Variants in PIK3C2A observed in about 807,000 individuals in gnomAD.
The protein encoded by PIK3C2A is phosphatidylinositol-4-phosphate 3-kinase catalytic subunit type 2 alpha, also known as phosphatidylinositol 4-phosphate 3-kinase C2 domain-containing subunit alpha.
A neutral mutation model predicts 204.5 loss-of-function variants in PIK3C2A; 97 were observed. That is an observed-to-expected ratio of 0.47 (90% CI 0.40 to 0.56). The LOEUF is 0.56. PIK3C2A is among the 20% of genes least tolerant of loss of function. The pLI is 0.00. For missense variants in PIK3C2A, 1,735 were observed against 1,969.2 expected (o/e 0.88, Z 2.25); for synonymous variants, 653 against 664.4 (o/e 0.98, Z 0.26).
Position 17,169,084 on chromosome 11 carries a change from T to C in PIK3C2A, c.658A>G (p.Ser220Gly), listed in dbSNP as rs77673537. Residue 220 changes from serine (S) to glycine (G), a missense_variant, in exon 2 of 33, where the codon AGT becomes GGT. Ser to Gly is a moderately conservative substitution (Grantham distance 56, BLOSUM62 0). Transcript: ENST00000691414. ...TCAAATAGTTTTGCCATGTCAGTAC[T>C]GACTACTGGACGATAGATAGGTAAG... ...GSLPIYRPVV[S>G]TDMAKLFDKI... The C allele has an allele frequency of 6.2e-7, 1 of 1,614,256 alleles. No homozygotes were observed. Among genetic ancestry groups the C allele is most frequent in the South Asian group, 1.1e-5 (1 of 91,088 alleles).
intron 20 of PIK3C2A, among the ~76,000 whole-genome samples, chr11:17,113,311 TA>T (rs1263095587): frequency 1.3e-5 from 2 of 152,162 alleles, no homozygotes; most frequent in Non-Finnish European, 2.9e-5. Context: ...ACACAAACTT[TA>T]AAGTTTGAGC....
Position 17,135,042 on chromosome 11 carries a change from A to C in PIK3C2A, c.1898-13T>G. The C allele has an allele frequency of 6.2e-7, 1 of 1,612,858 alleles. No homozygotes were observed. ...GGATTAAGTGAGCCTAGATTAAAGA[A>C]AAAAAAAGTTAATAGATTCTCTGAA... On this transcript the variant is annotated splice_polypyrimidine_tract_variant and intron_variant, in intron 10 of 32. Coordinates refer to ENST00000691414, the MANE Select transcript of PIK3C2A (RefSeq NM_002645.4).
intron 27 of PIK3C2A, among the ~76,000 whole-genome samples, chr11:17,096,715 G>T (rs1176492422): frequency 6.6e-6 from 1 of 152,224 alleles, no homozygotes; most frequent in Non-Finnish European, 1.5e-5. Flanking sequence ...AAAGCATGCT[G>T]AAGTTCCTGT....
chr11:17,106,087 C>T lies in PIK3C2A; in HGVS notation c.3545-782G>A, dbSNP rs992478524. On this transcript the variant is annotated intron_variant, in intron 22 of 32. Transcript: ENST00000691414. ...TAGCACTACTGCACTCCAGCCTGGG[C>T]AACAGAGCCAGACTCTATCTCAAAA... Among the ~76,000 whole-genome samples, 10 of 147,098 alleles carry T rather than the reference C, an allele frequency of 6.8e-5. No individual in the cohort carries two copies. The East Asian group carries it at 1.8e-3, about 26-fold the overall frequency.
chr11:17,174,231 T>C (rs1851266397), intron 1 of PIK3C2A, among the ~76,000 whole-genome samples: 1 of 152,182 alleles, frequency 6.6e-6, no homozygotes, highest in South Asian at 2.1e-4. Flanking sequence ...ATAAATCAAG[T>C]GTAATCACCT....
chr11:17,207,872 C>T lies in PIK3C2A; in HGVS notation c.-90G>A, dbSNP rs1287444358. ...CCTCAAGCTGCCTGAGCCTCCGCCT[C>T]TACCACAACCTGAGCCGCCGAAGCC... On this transcript the variant is annotated 5_prime_UTR_variant, in exon 1 of 33. Transcript: ENST00000691414. The T allele has an allele frequency of 1.3e-5, 2 of 152,870 alleles. No homozygotes were observed. The highest frequency in any genetic ancestry group is 2.4e-5 in the African/African-American group (1 of 41,478). 9.5% of individuals were successfully genotyped at this position (152,870 alleles called of 1,614,324 possible). A position where few individuals can be genotyped will look rare whatever the true frequency, so the allele number is the denominator to read the frequency against.
At chr11:17,143,623 TA>T (rs56407565) in intron 8 of PIK3C2A, among the ~76,000 whole-genome samples, 98,822 of 141,426 alleles carry the variant, frequency 0.7, 34,471 homozygotes, top group African/African-American at 0.79. Context: ...AAGAATATGT[TA>T]AAAAAAAAAA....
chr11:17,191,600 T>C (rs1851946129), intron 1 of PIK3C2A, among the ~76,000 whole-genome samples: 3 of 152,202 alleles, frequency 2.0e-5, no homozygotes, highest in Non-Finnish European at 4.4e-5. Context: ...TTAATCTGTA[T>C]CCTTTCCTTG....
chr11:17,108,871 G>A (rs1337329234), intron 22 of PIK3C2A, among the ~76,000 whole-genome samples: 1 of 152,196 alleles, frequency 6.6e-6, no homozygotes, highest in African/African-American at 2.4e-5. Context: ...ATAAATGGCT[G>A]AAGAATTTGG....
intron 2 of PIK3C2A, among the ~76,000 whole-genome samples, chr11:17,162,088 C>T (rs145474635): frequency 6.6e-6 from 1 of 152,132 alleles, no homozygotes; most frequent in African/African-American, 2.4e-5. Context: ...GTCATCCCAG[C>T]ACTTTGGGAG....
At chr11:17,132,354 G>A (rs1053443005) in intron 11 of PIK3C2A, among the ~76,000 whole-genome samples, 5 of 118,344 alleles carry the variant, frequency 4.2e-5, no homozygotes, top group East Asian at 2.4e-4. Context: ...ACGGAGTCTC[G>A]CTCTGTCGCC....
Position 17,169,646 on chromosome 11 carries a change from T to C in PIK3C2A, c.96A>G (p.Leu32=), listed in dbSNP as rs2137490045. 3 of 1,613,636 alleles carry C rather than the reference T, an allele frequency of 1.9e-6. No individual in the cohort carries two copies. Among genetic ancestry groups the C allele is most frequent in the Non-Finnish European group, 2.5e-6 (3 of 1,180,000 alleles). Reference sequence around the variant, plus strand: ...TTGCTAAAGCCTCTGCTTCCATCTGTAATGCTTCTTCTTTGTCCACATCTT... The same window carrying C: ...TTGCTAAAGCCTCTGCTTCCATCTGCAATGCTTCTTCTTTGTCCACATCTT... ...RAKDVDKEEA[L]QMEAEALAKL... The change falls in exon 2 of 33, where the codon TTA becomes TTG. Residue 32 remains leucine (L), a synonymous_variant. Coordinates refer to ENST00000691414, the MANE Select transcript of PIK3C2A (RefSeq NM_002645.4).
intron 8 of PIK3C2A, among the ~76,000 whole-genome samples, chr11:17,138,902 C>G (rs933249870): frequency 2.0e-5 from 3 of 152,042 alleles, no homozygotes; most frequent in African/African-American, 7.2e-5. Context: ...TCATCTTTTA[C>G]TAATTAATGA....
chr11:17,166,690 T>C (rs1227457299), intron 2 of PIK3C2A, among the ~76,000 whole-genome samples: 4 of 152,204 alleles, frequency 2.6e-5, no homozygotes, highest in African/African-American at 7.2e-5. Context: ...TTTTCTTTGA[T>C]AGCAAGACTA....
intron 1 of PIK3C2A, among the ~76,000 whole-genome samples, chr11:17,183,537 G>A (rs181396366): frequency 1.1e-3 from 168 of 152,010 alleles, no homozygotes; most frequent in African/African-American, 3.9e-3. Context: ...TTAGCCGGGC[G>A]TGGTGTGGTG....
intron 22 of PIK3C2A, among the ~76,000 whole-genome samples, chr11:17,109,801 G>A (rs148499114): frequency 1.1e-3 from 163 of 152,240 alleles, no homozygotes; most frequent in African/African-American, 3.7e-3. Flanking sequence ...CTCCTAAAAT[G>A]CTGGGATTAC....
intron 1 of PIK3C2A, among the ~76,000 whole-genome samples, chr11:17,175,366 C>A (rs1851304392): frequency 6.6e-6 from 1 of 152,174 alleles, no homozygotes. Context: ...GGTTATCATG[C>A]ATGTATACTA....
intron 15 of PIK3C2A, among the ~76,000 whole-genome samples, chr11:17,120,993 C>T (rs1305002199): frequency 6.6e-6 from 1 of 152,150 alleles, no homozygotes; most frequent in Non-Finnish European, 1.5e-5. Flanking sequence ...GCTGAGATTA[C>T]AGGTGTGAGC....
chr11:17,135,682 TGTGTGTG>T (rs1849848458), intron 9 of PIK3C2A, among the ~76,000 whole-genome samples: 1 of 1,036 alleles, frequency 9.7e-4, no homozygotes, highest in Non-Finnish European at 0.022. Context: ...CATATATGTG[TGTGTGTG>T]TGTGTGTGTG....
Sources: gnomAD v4.1 joint callset for allele counts (sites outside exome capture counted in the v4.1 genomes callset) on GRCh38, gnomAD v4.1.1 for gene constraint, MANE v1.5 for transcripts, NCBI Gene and HGNC (gene_info 2026-07-23, HGNC 2026-07-21) for gene names.